Variants in ARHGEF7 observed in about 807,000 individuals in gnomAD.
ARHGEF7 encodes the protein Rho guanine nucleotide exchange factor 7.
In ARHGEF7, 33 loss-of-function variants were observed where a neutral mutation model predicts 109.8. That is an observed-to-expected ratio of 0.30 (90% CI 0.23 to 0.40). ARHGEF7 has a LOEUF of 0.40. Among genes scored for constraint, ARHGEF7 ranks in the 10% least tolerant of loss-of-function variants. The pLI, the probability that ARHGEF7 is intolerant of heterozygous loss-of-function variation, is 1.00. For synonymous variants in ARHGEF7, 458 were observed against 424.6 expected, an observed-to-expected ratio of 1.08 and a Z score of -0.97; for missense variants, 938 against 1,098.5, an observed-to-expected ratio of 0.85 and a Z score of 2.07.
intron 2 of ARHGEF7, among the ~76,000 whole-genome samples, chr13:111,167,027 G>T (rs532560330): frequency 6.6e-6 from 1 of 152,174 alleles, no homozygotes; most frequent in East Asian, 1.9e-4. Context: ...TTTTAGGCCC[G>T]CTAGACGTGC....
intron 5 of ARHGEF7, among the ~76,000 whole-genome samples, chr13:111,223,334 T>A (rs1348021829): frequency 1.3e-5 from 2 of 152,228 alleles, no homozygotes; most frequent in Non-Finnish European, 2.9e-5. Context: ...CTTAGAGACT[T>A]CTCTGACCAT....
At chr13:111,154,060 C>T (rs892666476) in intron 2 of ARHGEF7, 69 bp downstream of exon 2, 19 of 1,443,930 alleles carry the variant, frequency 1.3e-5, no homozygotes, top group Non-Finnish European at 1.6e-5. Flanking sequence ...GTGGGTGCTT[C>T]GCTCCAGCCG....
chr13:111,153,845 C>A, intron 1 of ARHGEF7, 60 bp from the exon 2 acceptor site: 1 of 1,568,204 alleles, frequency 6.4e-7, no homozygotes. Context: ...GTCGCTCGGC[C>A]TTGTCCGCGG....
chr13:111,259,407 TTC>T (rs1233644463), intron 8 of ARHGEF7, among the ~76,000 whole-genome samples: 2 of 152,106 alleles, frequency 1.3e-5, no homozygotes, highest in African/African-American at 2.4e-5. Context: ...CTCTCTGTCT[TTC>T]TCTCTCTCTG....
intron 18 of ARHGEF7, among the ~76,000 whole-genome samples, chr13:111,289,796 T>C (rs1010869137): frequency 3.0e-4 from 5 of 16,768 alleles, no homozygotes; most frequent in Non-Finnish European, 7.2e-4. Context: ...CAGAAGCTTC[T>C]TTTTTTTTAA....
chr13:111,157,142 G>A (rs771462476), intron 2 of ARHGEF7, among the ~76,000 whole-genome samples: 1 of 152,052 alleles, frequency 6.6e-6, no homozygotes, highest in African/African-American at 2.4e-5. Flanking sequence ...TGTGTGAGTC[G>A]CATTTATTGG....
chr13:111,297,264 T>C (rs1447743043), intron 19 of ARHGEF7, among the ~76,000 whole-genome samples: 1 of 152,282 alleles, frequency 6.6e-6, no homozygotes, highest in Non-Finnish European at 1.5e-5. Context: ...GGCGTGTTAA[T>C]AATCCTCATT....
chr13:111,138,017 C>A (rs890746457), intron 1 of ARHGEF7, among the ~76,000 whole-genome samples: 1 of 152,118 alleles, frequency 6.6e-6, no homozygotes, highest in Non-Finnish European at 1.5e-5. Flanking sequence ...GTTGCCAGTT[C>A]AAAAACACAG....
chr13:111,133,370 G>A (rs1031437956), intron 1 of ARHGEF7, among the ~76,000 whole-genome samples: 3 of 151,932 alleles, frequency 2.0e-5, no homozygotes, highest in South Asian at 2.1e-4. Flanking sequence ...ACTTGAACAC[G>A]TGCATATCTA....
intron 1 of ARHGEF7, among the ~76,000 whole-genome samples, chr13:111,123,845 G>A (rs916662633): frequency 7.3e-6 from 1 of 137,616 alleles, no homozygotes; most frequent in Non-Finnish European, 1.5e-5. Flanking sequence ...ACTGGCCATC[G>A]TTGGCTGGTG....
chr13:111,238,385 T>G (rs561835499), intron 6 of ARHGEF7, among the ~76,000 whole-genome samples: 1 of 152,314 alleles, frequency 6.6e-6, no homozygotes, highest in African/African-American at 2.4e-5. Context: ...GCAACTGGCC[T>G]TAAGGCCTCC....
rs1264269510 is a variant in ARHGEF7 at position 111,243,955 on chromosome 13, G to C, written c.843G>C (p.Gln281His). The C allele has an allele frequency of 1.9e-6, 3 of 1,610,794 alleles. No individual in the cohort carries two copies. The highest frequency in any genetic ancestry group is 1.3e-5 in the African/African-American group (1 of 74,960). ...TTTCAACGTACCTACGGCCATTGCA[G>C]ACCAGTGAGAAGTAAGTTAGATGAT... Reference protein sequence around the residue: ...TVLSTYLRPLQTSEKLSSANI... With the variant: ...TVLSTYLRPLHTSEKLSSANI... The change falls in exon 7 of 22, where the codon CAG (glutamine) becomes CAC (histidine). Residue 281 changes from glutamine (Q) to histidine (H), a missense_variant. Coordinates refer to ENST00000646102, the MANE Select transcript of ARHGEF7 (RefSeq NM_001354046.2).
chr13:111,279,127 T>C (rs1264074527), intron 13 of ARHGEF7, among the ~76,000 whole-genome samples: 1 of 152,238 alleles, frequency 6.6e-6, no homozygotes, highest in African/African-American at 2.4e-5. Flanking sequence ...CGGTTTCATT[T>C]TCTGTAGGAC....
At chr13:111,274,429 A>C (rs931891902) in intron 10 of ARHGEF7, among the ~76,000 whole-genome samples, 1 of 152,220 alleles carries the variant, frequency 6.6e-6, no homozygotes, top group African/African-American at 2.4e-5. Flanking sequence ...TCACGGCTAC[A>C]CAGCTCTGCC....
intron 1 of ARHGEF7, among the ~76,000 whole-genome samples, chr13:111,141,263 A>G (rs1566617649): frequency 2.6e-5 from 4 of 152,146 alleles, no homozygotes; most frequent in African/African-American, 7.2e-5. Flanking sequence ...TATCATGCAG[A>G]GTAGTTTCAC....
At chr13:111,196,558 G>T (rs888656497) in intron 2 of ARHGEF7, among the ~76,000 whole-genome samples, 3 of 152,254 alleles carry the variant, frequency 2.0e-5, no homozygotes, top group Middle Eastern at 3.4e-3. Flanking sequence ...AGGGAGAAGG[G>T]GACATGTACC....
intron 1 of ARHGEF7, among the ~76,000 whole-genome samples, chr13:111,115,895 G>A (rs2066715694): frequency 6.7e-6 from 1 of 150,014 alleles, no homozygotes; most frequent in East Asian, 2.0e-4. Flanking sequence ...GGGGGCCGGG[G>A]AGCGGGGTCG....
chr13:111,151,040 C>T (rs2075863171), intron 1 of ARHGEF7, among the ~76,000 whole-genome samples: 1 of 152,190 alleles, frequency 6.6e-6, no homozygotes, highest in Non-Finnish European at 1.5e-5. Context: ...CCTTTAAGGG[C>T]TCATGGGTTT....
chr13:111,154,762 A>G (rs948758989), intron 2 of ARHGEF7, among the ~76,000 whole-genome samples: 2 of 152,188 alleles, frequency 1.3e-5, no homozygotes, highest in Non-Finnish European at 2.9e-5. Flanking sequence ...TAGCACTTTA[A>G]ATACAGAAAT....
Sources: allele counts gnomAD v4.1 joint callset (sites outside exome capture counted in the v4.1 genomes callset), GRCh38; gene constraint gnomAD v4.1.1; transcripts MANE v1.5; gene names NCBI Gene and HGNC (gene_info 2026-07-23, HGNC 2026-07-21).